OPRM1: variants seen among roughly 807,000 people sequenced by gnomAD.
OPRM1 encodes mu-type opioid receptor.
In OPRM1, 27 loss-of-function variants were observed where a neutral mutation model predicts 31.8. The observed-to-expected ratio is 0.85, with a 90% CI of 0.63 to 1.17. The LOEUF (loss-of-function observed/expected upper bound fraction) is 1.17. OPRM1 is among the 50% of genes most tolerant of loss of function. The pLI is 0.00. For synonymous variants in OPRM1, 196 were observed against 189.9 expected (o/e 1.03, Z -0.26); for missense variants, 536 against 511.1 (o/e 1.05, Z -0.47).
intron 3 of OPRM1, among the ~76,000 whole-genome samples, chr6:154,162,147 C>A (rs917432993): frequency 1.3e-5 from 2 of 152,190 alleles, no homozygotes; most frequent in African/African-American, 4.8e-5. Flanking sequence ...AAAGGCCAAT[C>A]CCTCCACTTG....
intron 3 of OPRM1, among the ~76,000 whole-genome samples, chr6:154,180,347 C>CATAT (rs143058126): frequency 0.015 from 2,128 of 142,110 alleles, 16 homozygotes; most frequent in Non-Finnish European, 0.017. Flanking sequence ...AGAAAGGAGA[C>CATAT]ATATATATAT....
chr6:154,226,651 C>A (rs908114514), intron 3 of OPRM1, among the ~76,000 whole-genome samples: 1 of 152,158 alleles, frequency 6.6e-6, no homozygotes, highest in Non-Finnish European at 1.5e-5. Flanking sequence ...CTCTATAATT[C>A]TGCTGTTTCA....
upstream of OPRM1, among the ~76,000 whole-genome samples, chr6:154,034,335 G>A (rs1224213506): frequency 2.0e-5 from 3 of 152,192 alleles, no homozygotes; most frequent in Non-Finnish European, 2.9e-5. Context: ...ACGAGGTCAG[G>A]AGATCGAGAC....
chr6:154,172,192 C>A (rs1470717660), intron 3 of OPRM1, among the ~76,000 whole-genome samples: 2 of 152,302 alleles, frequency 1.3e-5, no homozygotes, highest in Non-Finnish European at 2.9e-5. Context: ...CAAATAGGAA[C>A]AGCTCCAGTC....
chr6:154,023,709 C>T (rs1358324724), intron 1 of OPRM1, among the ~76,000 whole-genome samples: 4 of 152,002 alleles, frequency 2.6e-5, no homozygotes, highest in South Asian at 2.1e-4. Flanking sequence ...TTTATTATGT[C>T]GAGGTATGTT....
chr6:154,220,301 G>T (rs1227102539), intron 3 of OPRM1, among the ~76,000 whole-genome samples: 1 of 152,104 alleles, frequency 6.6e-6, no homozygotes, highest in Non-Finnish European at 1.5e-5. Context: ...TGAGAATAGG[G>T]CTAAATCAAA....
chr6:154,139,870 TGA>T (rs1798152165), intron 3 of OPRM1, among the ~76,000 whole-genome samples: 3 of 152,092 alleles, frequency 2.0e-5, no homozygotes, highest in Non-Finnish European at 2.9e-5. Flanking sequence ...CAGACCAAGA[TGA>T]CCAGAAAAAA....
At chr6:154,163,677 A>C (rs1799204217) in intron 3 of OPRM1, among the ~76,000 whole-genome samples, 1 of 152,250 alleles carries the variant, frequency 6.6e-6, no homozygotes, top group Admixed American at 6.5e-5. Context: ...TTGTTGAAAA[A>C]ATGAATATAT....
chr6:154,195,152 T>C lies in OPRM1; in HGVS notation c.1165-51541T>C, dbSNP rs1248423095. Among the ~76,000 whole-genome samples the C allele has an allele frequency of 4.8e-3, 712 of 146,864 alleles. 1 individual carries two copies. The highest frequency in any genetic ancestry group is 0.01 in the Middle Eastern group (3 of 286). On this transcript the variant is annotated intron_variant, in intron 3 of 3. Coordinates refer to the OPRM1 transcript ENST00000337049. The stretch of plus-strand genomic sequence containing the variant: ...AAATAATTTTTCTTTTCTTTCTTTT[T>C]TTTTTTTTTTTTTGAGACAGAATCT...
chr6:154,227,987 C>CA (rs11289794), intron 3 of OPRM1, among the ~76,000 whole-genome samples: 7 of 150,020 alleles, frequency 4.7e-5, no homozygotes, highest in Non-Finnish European at 7.4e-5. Context: ...ATTTGACTTG[C>CA]AAAAAAAAAA....
At chr6:154,023,297 A>G (rs756288827) in intron 1 of OPRM1, among the ~76,000 whole-genome samples, 2 of 152,048 alleles carry the variant, frequency 1.3e-5, no homozygotes, top group Non-Finnish European at 1.5e-5. Context: ...CTAGGTATTT[A>G]ATTTTACTTG....
At chr6:154,244,714 G>T (rs1780892214) in intron 3 of OPRM1, among the ~76,000 whole-genome samples, 1 of 152,166 alleles carries the variant, frequency 6.6e-6, no homozygotes, top group African/African-American at 2.4e-5. Flanking sequence ...AGCCCAATCT[G>T]GAAGCCTGTG....
At chr6:154,023,766 G>C (rs1778523962) in intron 1 of OPRM1, among the ~76,000 whole-genome samples, 1 of 151,984 alleles carries the variant, frequency 6.6e-6, no homozygotes, top group Non-Finnish European at 1.5e-5. Context: ...AAGGAATATT[G>C]AATTTTATCA....
chr6:154,088,508 G>T (rs1458889438), intron 1 of OPRM1, among the ~76,000 whole-genome samples: 1 of 152,102 alleles, frequency 6.6e-6, no homozygotes. Context: ...CTTTGCCATT[G>T]TAGCATCAAA....
chr6:154,180,035 T>A (rs1192760392), intron 3 of OPRM1, among the ~76,000 whole-genome samples: 1 of 152,184 alleles, frequency 6.6e-6, no homozygotes, highest in African/African-American at 2.4e-5. Context: ...CTCAAGTCAT[T>A]GGAAGAGAAA....
At chr6:154,207,744 A>G (rs1777622138) in intron 3 of OPRM1, among the ~76,000 whole-genome samples, 1 of 152,068 alleles carries the variant, frequency 6.6e-6, no homozygotes, top group African/African-American at 2.4e-5. Flanking sequence ...TCTTTTGTTT[A>G]TTTTAGCTGA....
chr6:154,160,222 C>A (rs1276663457), intron 3 of OPRM1, among the ~76,000 whole-genome samples: 1 of 152,216 alleles, frequency 6.6e-6, no homozygotes, highest in African/African-American at 2.4e-5. Context: ...CATACGCTAG[C>A]CGCAAAGAAG....
intron 1 of OPRM1, among the ~76,000 whole-genome samples, chr6:154,079,510 G>A (rs1466300948): frequency 1.3e-5 from 2 of 152,128 alleles, no homozygotes; most frequent in South Asian, 2.1e-4. Context: ...GCAGGGGCTC[G>A]AAATATGTGG....
At chr6:154,224,603 T>C (rs763536521) in intron 3 of OPRM1, among the ~76,000 whole-genome samples, 3 of 151,908 alleles carry the variant, frequency 2.0e-5, no homozygotes, top group Non-Finnish European at 2.9e-5. Flanking sequence ...TTCAGCTACT[T>C]GGGAAGCTGA....
Sources: allele counts gnomAD v4.1 joint callset (sites outside exome capture counted in the v4.1 genomes callset), GRCh38; gene constraint gnomAD v4.1.1; transcripts MANE v1.5; gene names NCBI Gene and HGNC (gene_info 2026-07-23, HGNC 2026-07-21).